The following TOM1L1 variants were observed in gnomAD, a reference collection of about 807,000 sequenced individuals.
The protein encoded by TOM1L1 is TOM1-like protein 1.
In TOM1L1, 64 loss-of-function variants were observed where a neutral mutation model predicts 63.4. That is an observed-to-expected ratio of 1.01 (90% CI 0.83 to 1.24). TOM1L1 has a LOEUF of 1.24. Ranked by LOEUF, TOM1L1 falls within the 50% of genes most tolerant of loss-of-function variation. The pLI is 0.00. For synonymous variants in TOM1L1, 166 were observed against 194.4 expected, an observed-to-expected ratio of 0.85 and a Z score of 1.22; for missense variants, 536 against 567.0, an observed-to-expected ratio of 0.95 and a Z score of 0.55.
At chr17:54,904,539 A>G (rs543976585) in intron 2 of TOM1L1, among the ~76,000 whole-genome samples, 2 of 152,314 alleles carry the variant, frequency 1.3e-5, no homozygotes, top group Admixed American at 1.3e-4. Context: ...CCAGGAAACA[A>G]TCTAGCAGTC....
chr17:54,951,254 C>A (rs8073158), intron 14 of TOM1L1, among the ~76,000 whole-genome samples: 31,905 of 152,170 alleles, frequency 0.21, 3,917 homozygotes, highest in Non-Finnish European at 0.28. Context: ...ATGCACAGGG[C>A]GAGGCATGCG....
intron 3 of TOM1L1, among the ~76,000 whole-genome samples, chr17:54,910,503 A>G (rs574930818): frequency 5.6e-4 from 86 of 152,308 alleles, no homozygotes; most frequent in Middle Eastern, 6.8e-3. Flanking sequence ...TTAGCAAGAA[A>G]TACACCTAGG....
chr17:54,936,858 ATAACT>A (rs2048955763), intron 9 of TOM1L1, 149 bp downstream of exon 9: 1 of 659,654 alleles, frequency 1.5e-6, no homozygotes, highest in Non-Finnish European at 2.5e-6. Flanking sequence ...ACTTGCCTTA[ATAACT>A]TAATGTTATT....
At chr17:54,910,130 A>G (rs1007732419) in intron 3 of TOM1L1, among the ~76,000 whole-genome samples, 3 of 152,156 alleles carry the variant, frequency 2.0e-5, no homozygotes, top group African/African-American at 7.2e-5. Flanking sequence ...CTTACCCATT[A>G]TCATAAAATC....
chr17:54,914,769 A>G, intron 6 of TOM1L1, 26 bp downstream of exon 6: 1 of 1,358,554 alleles, frequency 7.4e-7, no homozygotes, highest in Non-Finnish European at 1.0e-6. Context: ...ATTGCATTTA[A>G]TTGATGTCTT....
chr17:54,953,342 C>T (rs2049330318), intron 14 of TOM1L1: 1 of 152,362 alleles, frequency 6.6e-6, no homozygotes, highest in Non-Finnish European at 1.5e-5. Flanking sequence ...GCACTCCAGC[C>T]TGGGTAACAC....
chr17:54,904,070 C>A (rs971711776), intron 2 of TOM1L1, among the ~76,000 whole-genome samples: 3 of 152,014 alleles, frequency 2.0e-5, no homozygotes, highest in Non-Finnish European at 4.4e-5. Context: ...TTCCTTCCTT[C>A]TAAAAGATTG....
intron 11 of TOM1L1, among the ~76,000 whole-genome samples, chr17:54,946,157 T>TTGGACTGGTTCCATC (rs2049115052): frequency 1.3e-5 from 2 of 152,334 alleles, no homozygotes; most frequent in South Asian, 4.1e-4. Flanking sequence ...CATCCTGTGG[T>TTGGACTGGTTCCATC]CAGTCTAAGG....
chr17:54,957,270 G>A (rs1470930237), intron 14 of TOM1L1: 2 of 152,184 alleles, frequency 1.3e-5, no homozygotes, highest in African/African-American at 4.8e-5. Flanking sequence ...CAGATGTTAA[G>A]GGACTTAGGA....
At chr17:54,905,416 T>C (rs2048393732) in intron 2 of TOM1L1, 73 bp from the exon 3 acceptor site, 6 of 1,001,684 alleles carry the variant, frequency 6.0e-6, no homozygotes, top group African/African-American at 4.8e-5. Context: ...TCCAAATGCA[T>C]GTTGCTTTTC....
chr17:54,926,222 A>C (rs2048766989), intron 7 of TOM1L1, among the ~76,000 whole-genome samples: 2 of 152,222 alleles, frequency 1.3e-5, no homozygotes, highest in South Asian at 4.1e-4. Flanking sequence ...ACTTTTCATT[A>C]GGGATGAGGA....
At chr17:54,919,714 G>T (rs892739965) in intron 7 of TOM1L1, among the ~76,000 whole-genome samples, 18 of 152,112 alleles carry the variant, frequency 1.2e-4, no homozygotes, top group African/African-American at 4.3e-4. Context: ...GTTGAATGTG[G>T]AATGTTATTT....
intron 11 of TOM1L1, among the ~76,000 whole-genome samples, chr17:54,944,667 G>A (rs2049089295): frequency 6.6e-6 from 1 of 152,160 alleles, no homozygotes; most frequent in Admixed American, 6.5e-5. Context: ...TATTATCAGT[G>A]ACTACAGAAT....
At chr17:54,931,949 G>GTTTTTTTTTTTTT (rs10632110) in intron 8 of TOM1L1, among the ~76,000 whole-genome samples, 25 of 121,524 alleles carry the variant, frequency 2.1e-4, no homozygotes, top group African/African-American at 7.8e-4. Flanking sequence ...TTTTTTCTTC[G>GTTTTTTTTTTTTT]TTTTTTTTTT....
intron 9 of TOM1L1, 32 bp downstream of exon 9, chr17:54,936,741 A>G (rs1324319302): frequency 6.3e-7 from 1 of 1,577,036 alleles, no homozygotes; most frequent in Non-Finnish European, 8.6e-7. Flanking sequence ...AAAATAAACA[A>G]TTGAACATTT....
chr17:54,916,186 T>C, intron 7 of TOM1L1: 1 of 390,166 alleles, frequency 2.6e-6, no homozygotes. Flanking sequence ...TGAGTAACTG[T>C]GATATAGGAA....
intron 8 of TOM1L1, among the ~76,000 whole-genome samples, chr17:54,930,866 TAAATAAA>T (rs1377068855): frequency 6.6e-6 from 1 of 151,180 alleles, no homozygotes; most frequent in African/African-American, 2.4e-5. Flanking sequence ...ATAAAATAAA[TAAATAAA>T]AAATAAAAAA....
At chr17:54,913,538 C>T (rs537145129) in intron 4 of TOM1L1, among the ~76,000 whole-genome samples, 15 of 152,030 alleles carry the variant, frequency 9.9e-5, no homozygotes, top group African/African-American at 1.7e-4. Context: ...TGGTGGCGGG[C>T]GCCTGTAATC....
intron 7 of TOM1L1, among the ~76,000 whole-genome samples, chr17:54,928,522 AAAT>A (rs747936865): frequency 8.2e-4 from 125 of 152,330 alleles, no homozygotes; most frequent in Non-Finnish European, 1.5e-3. Flanking sequence ...TAAAGGAACC[AAAT>A]CTAGCCTGCC....
Sources: allele counts gnomAD v4.1 joint callset (sites outside exome capture counted in the v4.1 genomes callset), GRCh38; gene constraint gnomAD v4.1.1; transcripts MANE v1.5; gene names NCBI Gene and HGNC (gene_info 2026-07-23, HGNC 2026-07-21).